SGIP1: variants seen among roughly 807,000 people sequenced by gnomAD.
The protein encoded by SGIP1 is SH3GL interacting endocytic adaptor 1.
A neutral mutation model predicts 107.5 loss-of-function variants in SGIP1; 38 were observed. That is an observed-to-expected ratio of 0.35 (90% CI 0.27 to 0.46). The LOEUF is 0.46. SGIP1 is among the 20% of genes least tolerant of loss of function. SGIP1 has a pLI of 1.00. For synonymous variants in SGIP1, 365 were observed against 366.1 expected (o/e 1.00, Z 0.03); for missense variants, 929 against 1,019.5 (o/e 0.91, Z 1.21).
chr1:66,601,017 T>A (rs2065692349), intron 1 of SGIP1, among the ~76,000 whole-genome samples: 1 of 152,194 alleles, frequency 6.6e-6, no homozygotes, highest in African/African-American at 2.4e-5. Context: ...CTTCTCCACA[T>A]GAACACAGAT....
At chr1:66,586,754 T>C (rs116125466) in intron 1 of SGIP1, among the ~76,000 whole-genome samples, 3 of 152,250 alleles carry the variant, frequency 2.0e-5, no homozygotes, top group African/African-American at 7.2e-5. Context: ...TATTTACCCA[T>C]ATTTTTGTTT....
intron 1 of SGIP1, among the ~76,000 whole-genome samples, chr1:66,588,024 G>A (rs2148831967): frequency 6.6e-6 from 1 of 152,120 alleles, no homozygotes; most frequent in South Asian, 2.1e-4. Flanking sequence ...CAAAATCATG[G>A]GGGTATTACT....
chr1:66,599,909 G>C (rs1368875618), intron 1 of SGIP1, among the ~76,000 whole-genome samples: 2 of 152,154 alleles, frequency 1.3e-5, no homozygotes, highest in African/African-American at 2.4e-5. Flanking sequence ...GAACACTAAA[G>C]AGAGTCTAGA....
chr1:66,602,640 T>TAATA (rs59060604), intron 1 of SGIP1, among the ~76,000 whole-genome samples: 19,924 of 150,552 alleles, frequency 0.13, 1,897 homozygotes, highest in East Asian at 0.45. Context: ...TAAAGTATAA[T>TAATA]AATAAATAAA....
chr1:66,611,801 G>A (rs1377120996), intron 1 of SGIP1, among the ~76,000 whole-genome samples: 1 of 152,132 alleles, frequency 6.6e-6, no homozygotes, highest in Non-Finnish European at 1.5e-5. Flanking sequence ...GAGGATGTTG[G>A]CACCAGTTTA....
At position 66,589,214 on chromosome 1, in the gene SGIP1, A is replaced by ATGTGTGTG. The variant is rs1456083520; in HGVS notation, c.11-36632_11-36631insGTGTGTGT. On this transcript the variant is annotated intron_variant, in intron 1 of 24. Coordinates refer to ENST00000371037, the MANE Select transcript of SGIP1 (RefSeq NM_032291.4). ...TATATATATATATATATATATATAT[A>ATGTGTGTG]TATGTAAGGCTTGGGGTAAAGAGAA... Among the ~76,000 whole-genome samples, 36 of 91,358 alleles carry ATGTGTGTG rather than the reference A, an allele frequency of 3.9e-4. 2 individuals are homozygous for ATGTGTGTG. The highest frequency in any genetic ancestry group is 1.7e-3 in the African/African-American group (36 of 21,398). 59.9% of individuals were successfully genotyped at this position (91,358 alleles called of 152,430 possible).
intron 1 of SGIP1, among the ~76,000 whole-genome samples, chr1:66,621,001 C>G (rs1474911469): frequency 6.6e-6 from 1 of 152,130 alleles, no homozygotes; most frequent in Non-Finnish European, 1.5e-5. Flanking sequence ...TGAAAATAAA[C>G]AAGATGCCCG....
At chr1:66,587,180 A>G (rs2062765249) in intron 1 of SGIP1, among the ~76,000 whole-genome samples, 1 of 151,902 alleles carries the variant, frequency 6.6e-6, no homozygotes, top group South Asian at 2.1e-4. Context: ...CTTTGGGTTT[A>G]TCCTTTTTAG....
intron 1 of SGIP1, among the ~76,000 whole-genome samples, chr1:66,571,082 G>A (rs2060312445): frequency 6.6e-6 from 1 of 152,018 alleles, no homozygotes; most frequent in South Asian, 2.1e-4. Flanking sequence ...CACCACCTGG[G>A]AAGTATTCCT....
At chr1:66,636,944 A>G (rs747056601) in intron 4 of SGIP1, among the ~76,000 whole-genome samples, 2 of 152,204 alleles carry the variant, frequency 1.3e-5, no homozygotes, top group Non-Finnish European at 2.9e-5. Context: ...CTATGAAGAC[A>G]TGATTAGCGT....
chr1:66,685,923 A>G (rs912842787), intron 15 of SGIP1, among the ~76,000 whole-genome samples: 1 of 152,242 alleles, frequency 6.6e-6, no homozygotes, highest in Admixed American at 6.5e-5. Context: ...GAAACATAGC[A>G]TACAATCATT....
At chr1:66,716,615 C>G (rs2093259059) in intron 18 of SGIP1, among the ~76,000 whole-genome samples, 1 of 152,066 alleles carries the variant, frequency 6.6e-6, no homozygotes, top group African/African-American at 2.4e-5. Context: ...GTTTCAAATA[C>G]TTCAGAGGCC....
chr1:66,586,466 A>C (rs1178696771), intron 1 of SGIP1, among the ~76,000 whole-genome samples: 1 of 152,090 alleles, frequency 6.6e-6, no homozygotes, highest in Non-Finnish European at 1.5e-5. Flanking sequence ...TAATGTTTTT[A>C]AGTGTATCTC....
intron 21 of SGIP1, among the ~76,000 whole-genome samples, chr1:66,737,646 A>G (rs1164141668): frequency 6.6e-6 from 1 of 152,242 alleles, no homozygotes; most frequent in Non-Finnish European, 1.5e-5. Flanking sequence ...TTCCTCATCT[A>G]CAAATAAGGG....
intron 18 of SGIP1, among the ~76,000 whole-genome samples, chr1:66,696,371 T>C (rs2090923951): frequency 6.6e-6 from 1 of 152,170 alleles, no homozygotes; most frequent in Non-Finnish European, 1.5e-5. Context: ...AATAGCTACA[T>C]TTATCCCAGG....
chr1:66,653,162 C>A (rs1323984148), intron 7 of SGIP1, among the ~76,000 whole-genome samples: 1 of 152,148 alleles, frequency 6.6e-6, no homozygotes, highest in Non-Finnish European at 1.5e-5. Context: ...TTTCCCAGGA[C>A]TCATAGAGGA....
intron 1 of SGIP1, among the ~76,000 whole-genome samples, chr1:66,563,563 T>G (rs554650099): frequency 6.6e-6 from 1 of 152,140 alleles, no homozygotes; most frequent in South Asian, 2.1e-4. Flanking sequence ...TTGATGATGT[T>G]TTGGGAAAGT....
chr1:66,660,033 A>G (rs2080799954), intron 7 of SGIP1: 1 of 140,806 alleles, frequency 7.1e-6, no homozygotes, highest in Non-Finnish European at 1.2e-5. Context: ...GAAGGAAGGA[A>G]GGAAGGAAAG....
intron 1 of SGIP1, among the ~76,000 whole-genome samples, chr1:66,590,013 T>A (rs966440973): frequency 1.3e-5 from 2 of 152,186 alleles, no homozygotes; most frequent in African/African-American, 4.8e-5. Flanking sequence ...GTTAAATTCC[T>A]TGAGGCAGGA....
Sources: gnomAD v4.1 joint callset for allele counts (sites outside exome capture counted in the v4.1 genomes callset) on GRCh38, gnomAD v4.1.1 for gene constraint, MANE v1.5 for transcripts, NCBI Gene and HGNC (gene_info 2026-07-23, HGNC 2026-07-21) for gene names.